The following ARPC5L variants were observed in gnomAD, a reference collection of about 807,000 sequenced individuals.
The protein encoded by ARPC5L is actin related protein 2/3 complex subunit 5 like.
A neutral mutation model predicts 16.9 loss-of-function variants in ARPC5L; 4 were observed. The ratio of observed to expected loss-of-function variants is 0.24; its 90% CI spans 0.12 to 0.54. ARPC5L has a LOEUF of 0.54. Ranked by LOEUF, ARPC5L falls within the 20% of genes least tolerant of loss-of-function variation. The pLI is 0.95. For missense variants in ARPC5L, 151 were observed against 201.9 expected (o/e 0.75, Z 1.53); for synonymous variants, 78 against 82.6 (o/e 0.94, Z 0.30).
Position 124,876,996 on chromosome 9 carries a change from G to A in ARPC5L, c.*56G>A. The A allele has an allele frequency of 1.4e-6, 2 of 1,452,374 alleles. No homozygotes were observed. Among genetic ancestry groups the A allele is most frequent in the Non-Finnish European group, 1.9e-6 (2 of 1,054,146 alleles). The allele number at this position is 1,452,374 out of a possible 1,614,324, so 90.0% of individuals were successfully genotyped here. ...AAGAATTCTGGATGCCCAGGCTGGT[G>A]AAGAAGGGATTGACAATGGACCATC... On this transcript the variant is annotated 3_prime_UTR_variant, in exon 6 of 6. Coordinates refer to ENST00000353214, the MANE Select transcript of ARPC5L (RefSeq NM_030978.3).
At chr9:124,866,829 C>T (rs1315791748) in intron 2 of ARPC5L, among the ~76,000 whole-genome samples, 4 of 152,236 alleles carry the variant, frequency 2.6e-5, no homozygotes, top group Non-Finnish European at 4.4e-5. Context: ...CCATCTAAAT[C>T]ACCTCTCTAC....
chr9:124,868,478 C>G lies in ARPC5L; in HGVS notation c.-813C>G, dbSNP rs1829301884. The G allele has an allele frequency of 6.6e-6, 1 of 152,262 alleles. No individual in the cohort carries two copies. The highest frequency in any genetic ancestry group is 1.5e-5 in the Non-Finnish European group (1 of 68,056). 9.4% of individuals were successfully genotyped at this position (152,262 alleles called of 1,614,324 possible). On this transcript the variant is annotated 5_prime_UTR_variant, in exon 3 of 6. Transcript: ENST00000353214. Reference sequence around the variant, plus strand: ...GATGTGCCTCTCCAGCCAGGCCTCTCCTGCCAGGACGGTGGCCACAGGGCC... The same window carrying G: ...GATGTGCCTCTCCAGCCAGGCCTCTGCTGCCAGGACGGTGGCCACAGGGCC...
At chr9:124,866,187 T>TG (rs1829268526) in intron 2 of ARPC5L, among the ~76,000 whole-genome samples, 1 of 152,030 alleles carries the variant, frequency 6.6e-6, no homozygotes, top group Non-Finnish European at 1.5e-5. Flanking sequence ...GTGGATCACC[T>TG]GAGGTCAGGA....
rs189534626 is a variant in ARPC5L, at chr9:124,872,021, G to A, written c.150-1671G>A. On this transcript the variant is annotated intron_variant, in intron 3 of 5. Transcript: ENST00000353214. ...TGACAGCCGGCTTCACAAATGATAG[G>A]TGACTTCAGGGAGGTCCTCCCTGCG... 5.3e-3 allele frequency among the ~76,000 whole-genome samples: 807 copies of A among 152,260 alleles called. 6 individuals are homozygous for A. The highest frequency in any genetic ancestry group is 8.2e-3 in the Non-Finnish European group (557 of 68,014).
At chr9:124,874,099 T>C (rs1829399737) in intron 4 of ARPC5L, among the ~76,000 whole-genome samples, 1 of 152,244 alleles carries the variant, frequency 6.6e-6, no homozygotes, top group Non-Finnish European at 1.5e-5. Flanking sequence ...ATAGGCTTTG[T>C]CTGCCTGAGG....
rs903645295 is a variant in ARPC5L at position 124,869,069 on chromosome 9, G to T, written c.-222G>T. Reference sequence around the variant, plus strand: ...GGGGAGGCTGCGGTGATCCCATACCGCACTCCAGGTGCCAGGCTCCGCCCC... The same window carrying T: ...GGGGAGGCTGCGGTGATCCCATACCTCACTCCAGGTGCCAGGCTCCGCCCC... On this transcript the variant is annotated 5_prime_UTR_variant, in exon 3 of 6. Transcript: ENST00000353214. The T allele has an allele frequency of 9.5e-6, 4 of 421,760 alleles. No individual in the cohort carries two copies. The highest frequency in any genetic ancestry group is 4.2e-5 in the African/African-American group (2 of 47,966). The allele number at this position is 421,760 out of a possible 1,614,324, so 26.1% of individuals were successfully genotyped here.
At chr9:124,872,559 T>A (rs1829374832) in intron 3 of ARPC5L, 1 of 152,076 alleles carries the variant, frequency 6.6e-6, no homozygotes. Flanking sequence ...ATTGCGCCAC[T>A]GCACTCCAGC....
chr9:124,873,631 G>A (rs1829391055), intron 3 of ARPC5L, 61 bp from the exon 4 acceptor site: 41 of 1,586,596 alleles, frequency 2.6e-5, no homozygotes, highest in Non-Finnish European at 3.4e-5. Flanking sequence ...TCTGAAGTGA[G>A]CTTGTTCATG....
chr9:124,877,098 A>G lies in ARPC5L; in HGVS notation c.*158A>G. On this transcript the variant is annotated 3_prime_UTR_variant, in exon 6 of 6. Transcript: ENST00000353214. ...TATTTTATTTTCAAGGTGGAGGGGAAAATCGTCTGTTTCCTAAATCCTGTT... is the reference window on the plus strand; with the variant it reads ...TATTTTATTTTCAAGGTGGAGGGGAGAATCGTCTGTTTCCTAAATCCTGTT... 1.6e-6 allele frequency: 1 copy of G among 640,256 alleles called. No homozygotes were observed. The highest frequency in any genetic ancestry group is 2.6e-6 in the Non-Finnish European group (1 of 377,538). The allele number at this position is 640,256 out of a possible 1,614,324, so 39.7% of individuals were successfully genotyped here. A position where few individuals can be genotyped will look rare whatever the true frequency, so the allele number is the denominator to read the frequency against.
chr9:124,876,823 C>T (rs1328585014), intron 5 of ARPC5L, 55 bp from the exon 6 acceptor site: 3 of 1,476,958 alleles, frequency 2.0e-6, no homozygotes, highest in Non-Finnish European at 2.8e-6. Context: ...GCAAGCCAGG[C>T]TCCCCTTGGC....
intron 4 of ARPC5L, 81 bp from the exon 5 acceptor site, chr9:124,874,894 C>G (rs114856079): frequency 1.4e-5 from 22 of 1,551,288 alleles, no homozygotes; most frequent in South Asian, 3.4e-5. Context: ...TTCTGGTGAT[C>G]TGTGTCCTTG....
chr9:124,869,295 C>T lies in ARPC5L; in HGVS notation c.5C>T (p.Ala2Val). The T allele has an allele frequency of 6.6e-7, 1 of 1,525,198 alleles. No homozygotes were observed. Among genetic ancestry groups the T allele is most frequent in the Non-Finnish European group, 8.8e-7 (1 of 1,136,544 alleles). The allele number at this position is 1,525,198 out of a possible 1,614,324, so 94.5% of individuals were successfully genotyped here. A position where few individuals can be genotyped will look rare whatever the true frequency, so the allele number is the denominator to read the frequency against. Reference sequence around the variant, plus strand: ...AGCGGGCGCCGAGCTCCCGCCATGGCCCGGAACACGCTGTCCTCGCGCTTC... The same window carrying T: ...AGCGGGCGCCGAGCTCCCGCCATGGTCCGGAACACGCTGTCCTCGCGCTTC... M[A>V]RNTLSSRFRR... The change falls in exon 3 of 6, where the codon GCC becomes GTC. Residue 2 changes from alanine (A) to valine (V), a missense_variant. Ala to Val is a moderately conservative substitution (Grantham distance 64). Coordinates refer to ENST00000353214, the MANE Select transcript of ARPC5L (RefSeq NM_030978.3).
At chr9:124,875,919 T>C (rs1829427304) in intron 5 of ARPC5L, among the ~76,000 whole-genome samples, 1 of 152,220 alleles carries the variant, frequency 6.6e-6, no homozygotes, top group African/African-American at 2.4e-5. Flanking sequence ...GCTGTGGTTG[T>C]GGCCTTAGGT....
rs765020259 is a variant in ARPC5L, at chr9:124,877,154, G to A, written c.*214G>A. 23 of 544,380 alleles carry A rather than the reference G, an allele frequency of 4.2e-5. No homozygotes were observed. In the Middle Eastern group the frequency reaches 2.4e-3, roughly 58 times the overall value. 33.7% of individuals were successfully genotyped at this position (544,380 alleles called of 1,614,324 possible). A position where few individuals can be genotyped will look rare whatever the true frequency, so the allele number is the denominator to read the frequency against. On this transcript the variant is annotated 3_prime_UTR_variant, in exon 6 of 6. Coordinates refer to ENST00000353214, the MANE Select transcript of ARPC5L (RefSeq NM_030978.3). ...TCTGATAGTCTATGCCTTTGTCTCC[G>A]AGTACTGCAGAACTGACATTTTGAC...
rs896159168 is a variant in ARPC5L, at chr9:124,869,186, A to C, written c.-105A>C. 14 of 1,254,450 alleles carry C rather than the reference A, an allele frequency of 1.1e-5. No individual in the cohort carries two copies. The highest frequency in any genetic ancestry group is 1.6e-5 in the African/African-American group (1 of 62,700). 77.7% of individuals were successfully genotyped at this position (1,254,450 alleles called of 1,614,324 possible). A position where few individuals can be genotyped will look rare whatever the true frequency, so the allele number is the denominator to read the frequency against. On this transcript the variant is annotated 5_prime_UTR_variant, in exon 3 of 6. Coordinates refer to ENST00000353214, the MANE Select transcript of ARPC5L (RefSeq NM_030978.3). Reference sequence around the variant, plus strand: ...AGGCGGTGGAGGAGGTGCTGGGAGCAGCCGGGCAGCCGCTTCCCGCCCCCG... The same window carrying C: ...AGGCGGTGGAGGAGGTGCTGGGAGCCGCCGGGCAGCCGCTTCCCGCCCCCG...
intron 2 of ARPC5L, among the ~76,000 whole-genome samples, chr9:124,867,602 T>C (rs530830649): frequency 6.6e-6 from 1 of 152,282 alleles, no homozygotes; most frequent in South Asian, 2.1e-4. Context: ...CATTATTCCA[T>C]TTACTAGTTT....
rs1230167643 is a variant in ARPC5L at position 124,868,563 on chromosome 9, C to T, written c.-728C>T. 2 of 152,320 alleles carry T rather than the reference C, an allele frequency of 1.3e-5. No individual in the cohort carries two copies. Among genetic ancestry groups the T allele is most frequent in the African/African-American group, 4.8e-5 (2 of 41,474 alleles). The allele number at this position is 152,320 out of a possible 1,614,324, so 9.4% of individuals were successfully genotyped here. A position where few individuals can be genotyped will look rare whatever the true frequency, so the allele number is the denominator to read the frequency against. ...AAGGTGACTGCTACACACGTGGGGT[C>T]GCAGAATCCCTCGAGTCACAACGTC... is the stretch of plus-strand genomic sequence containing the variant. On this transcript the variant is annotated 5_prime_UTR_variant, in exon 3 of 6. Transcript: ENST00000353214.
intron 4 of ARPC5L, among the ~76,000 whole-genome samples, chr9:124,874,348 ATTTTTT>A (rs1829402534): frequency 6.6e-6 from 1 of 152,068 alleles, no homozygotes; most frequent in Admixed American, 6.6e-5. Flanking sequence ...TTTTATTTTT[ATTTTTT>A]AATAGTCCAC....
intron 5 of ARPC5L, 68 bp from the exon 6 acceptor site, chr9:124,876,810 C>T: frequency 1.5e-6 from 2 of 1,351,396 alleles, no homozygotes; most frequent in Non-Finnish European, 2.1e-6. Context: ...CCCCCTGTCT[C>T]TGGCAAGCCA....
Sources: gnomAD v4.1 joint callset for allele counts (sites outside exome capture counted in the v4.1 genomes callset) on GRCh38, gnomAD v4.1.1 for gene constraint, MANE v1.5 for transcripts, NCBI Gene and HGNC (gene_info 2026-07-23, HGNC 2026-07-21) for gene names.